Variants in SPOCK1 observed in about 807,000 individuals in gnomAD.
SPOCK1 encodes testican-1.
Under a neutral mutation model 55.3 loss-of-function variants are expected in SPOCK1, and 23 were observed. That is an observed-to-expected ratio of 0.42 (90% CI 0.30 to 0.59). SPOCK1 has a LOEUF of 0.59. Among genes scored for constraint, SPOCK1 ranks in the 20% least tolerant of loss-of-function variants. The pLI is 0.22. For missense variants in SPOCK1, 499 were observed against 552.5 expected (o/e 0.90, Z 0.97); for synonymous variants, 226 against 221.0 (o/e 1.02, Z -0.20).
chr5:137,123,377 C>G (rs1226824572), intron 4 of SPOCK1, among the ~76,000 whole-genome samples: 2 of 152,146 alleles, frequency 1.3e-5, no homozygotes, highest in African/African-American at 4.8e-5. Flanking sequence ...AGTAGCAGCC[C>G]TCTCTGAGAA....
chr5:137,199,343 G>A (rs1580803675), intron 3 of SPOCK1, among the ~76,000 whole-genome samples: 1 of 152,244 alleles, frequency 6.6e-6, no homozygotes, highest in East Asian at 1.9e-4. Context: ...TTCACCTCAT[G>A]GATTCCCATC....
intron 3 of SPOCK1, among the ~76,000 whole-genome samples, chr5:137,232,154 A>G (rs1028010498): frequency 6.6e-6 from 1 of 152,078 alleles, no homozygotes; most frequent in Non-Finnish European, 1.5e-5. Flanking sequence ...TTGTCTTTTC[A>G]CTTCTTAACA....
chr5:137,435,369 A>G (rs1340110483), intron 2 of SPOCK1, among the ~76,000 whole-genome samples: 1 of 152,222 alleles, frequency 6.6e-6, no homozygotes, highest in Non-Finnish European at 1.5e-5. Context: ...ACCAATCTAC[A>G]TTTCTACCAA....
chr5:137,492,249 T>C (rs1352654669), intron 2 of SPOCK1, among the ~76,000 whole-genome samples: 3 of 152,196 alleles, frequency 2.0e-5, no homozygotes, highest in African/African-American at 4.8e-5. Flanking sequence ...GCCAAAGTGA[T>C]TGACGGAGGA....
chr5:137,003,936 C>T (rs962585576), intron 6 of SPOCK1, among the ~76,000 whole-genome samples: 2 of 152,110 alleles, frequency 1.3e-5, no homozygotes, highest in Non-Finnish European at 2.9e-5. Flanking sequence ...CTTTCATTCA[C>T]AGATTACATG....
intron 2 of SPOCK1, among the ~76,000 whole-genome samples, chr5:137,278,610 A>C (rs549111676): frequency 6.6e-6 from 1 of 152,316 alleles, no homozygotes; most frequent in South Asian, 2.1e-4. Flanking sequence ...CTGCGGGGTC[A>C]AGGAGTCCTG....
intron 2 of SPOCK1, among the ~76,000 whole-genome samples, chr5:137,285,534 GC>G (rs752031716): frequency 2.2e-4 from 34 of 152,072 alleles, no homozygotes; most frequent in Admixed American, 5.9e-4. Context: ...CAGAAAAATG[GC>G]CCACTCATAT....
At chr5:137,004,062 T>C (rs4398629) in intron 6 of SPOCK1, among the ~76,000 whole-genome samples, 119,180 of 152,046 alleles carry the variant, frequency 0.78, 48,255 homozygotes, top group South Asian at 0.93. Context: ...GGGATATGGG[T>C]TGATGGAAGG....
chr5:137,191,191 C>G (rs968986890), intron 3 of SPOCK1, among the ~76,000 whole-genome samples: 1 of 152,210 alleles, frequency 6.6e-6, no homozygotes, highest in Non-Finnish European at 1.5e-5. Context: ...GTTACTTAAC[C>G]TCTCTGAGTG....
intron 3 of SPOCK1, among the ~76,000 whole-genome samples, chr5:137,167,424 C>CAA (rs150523632): frequency 2.7e-5 from 4 of 150,186 alleles, no homozygotes; most frequent in Admixed American, 6.6e-5. Flanking sequence ...AGAAAATTAA[C>CAA]AAAAAAAAAC....
At chr5:137,144,221 G>A (rs1754151391) in intron 3 of SPOCK1, among the ~76,000 whole-genome samples, 1 of 152,022 alleles carries the variant, frequency 6.6e-6, no homozygotes, top group Non-Finnish European at 1.5e-5. Context: ...TGAGTCAAAG[G>A]AACCATGGTC....
chr5:137,495,794 T>C (rs1050977403), intron 2 of SPOCK1, among the ~76,000 whole-genome samples: 3 of 152,212 alleles, frequency 2.0e-5, no homozygotes, highest in African/African-American at 7.2e-5. Context: ...GGACTTGCCC[T>C]AAAAGAGTGT....
intron 2 of SPOCK1, among the ~76,000 whole-genome samples, chr5:137,372,870 T>A (rs1221580261): frequency 6.6e-6 from 1 of 152,224 alleles, no homozygotes; most frequent in Non-Finnish European, 1.5e-5. Context: ...CTTCAGTTCT[T>A]CCTCCAAGGA....
intron 2 of SPOCK1, among the ~76,000 whole-genome samples, chr5:137,293,248 G>A (rs1757409598): frequency 6.6e-6 from 1 of 151,954 alleles, no homozygotes; most frequent in South Asian, 2.1e-4. Flanking sequence ...GCTTTTATTA[G>A]AGCACATGAA....
At chr5:137,174,066 C>T (rs1754806650) in intron 3 of SPOCK1, among the ~76,000 whole-genome samples, 1 of 152,208 alleles carries the variant, frequency 6.6e-6, no homozygotes, top group Non-Finnish European at 1.5e-5. Context: ...CTAACCTAAC[C>T]AAGTGATGTC....
intron 2 of SPOCK1, among the ~76,000 whole-genome samples, chr5:137,301,937 A>G (rs2127137169): frequency 6.6e-6 from 1 of 152,276 alleles, no homozygotes; most frequent in Non-Finnish European, 1.5e-5. Context: ...GATGACTGAC[A>G]TCCACGAGCC....
intron 2 of SPOCK1, among the ~76,000 whole-genome samples, chr5:137,316,850 T>C (rs1757889496): frequency 6.6e-6 from 1 of 152,248 alleles, no homozygotes; most frequent in African/African-American, 2.4e-5. Flanking sequence ...ACACCATTTC[T>C]GTGTTCAGCG....
chr5:137,204,366 C>T (rs1029149877), intron 3 of SPOCK1, among the ~76,000 whole-genome samples: 40 of 152,206 alleles, frequency 2.6e-4, no homozygotes, highest in Middle Eastern at 3.4e-3. Context: ...TCTGGGAGAG[C>T]GCACTGTCTC....
At chr5:137,462,513 G>A (rs762979141) in intron 2 of SPOCK1, among the ~76,000 whole-genome samples, 77 of 152,318 alleles carry the variant, frequency 5.1e-4, no homozygotes, top group Non-Finnish European at 9.0e-4. Context: ...CAGACTGCCA[G>A]GCTTGGAACC....
Sources: allele counts gnomAD v4.1 joint callset (sites outside exome capture counted in the v4.1 genomes callset), GRCh38; gene constraint gnomAD v4.1.1; transcripts MANE v1.5; gene names NCBI Gene and HGNC (gene_info 2026-07-23, HGNC 2026-07-21).